The following USP32 variants were observed in gnomAD, a reference collection of about 807,000 sequenced individuals.
The protein encoded by USP32 is ubiquitin specific peptidase 32.
Under a neutral mutation model 204.8 loss-of-function variants are expected in USP32, and 59 were observed. That is an observed-to-expected ratio of 0.29 (90% CI 0.23 to 0.36). The LOEUF (loss-of-function observed/expected upper bound fraction) is 0.36, where lower values mean the gene tolerates loss of function less well. USP32 is among the 10% of genes least tolerant of loss of function. The pLI, the probability that USP32 is intolerant of heterozygous loss-of-function variation, is 1.00. For synonymous variants in USP32, 517 were observed against 678.4 expected (o/e 0.76, Z 3.70); for missense variants, 1,160 against 1,946.4 (o/e 0.60, Z 7.60).
intron 7 of USP32, among the ~76,000 whole-genome samples, chr17:60,266,386 G>A (rs977500520): frequency 1.3e-5 from 2 of 152,202 alleles, no homozygotes; most frequent in African/African-American, 4.8e-5. Flanking sequence ...CGAAGTTACT[G>A]TACAATAAAT....
intron 1 of USP32, among the ~76,000 whole-genome samples, chr17:60,358,015 C>T (rs908134654): frequency 2.0e-5 from 3 of 151,844 alleles, no homozygotes; most frequent in East Asian, 1.9e-4. Context: ...GTGATCCACC[C>T]GCCTCCACCT....
At chr17:60,360,041 T>C (rs1015007563) in intron 1 of USP32, among the ~76,000 whole-genome samples, 1 of 152,014 alleles carries the variant, frequency 6.6e-6, no homozygotes, top group Non-Finnish European at 1.5e-5. Context: ...CTAATTTTTT[T>C]GTATTTTTAG....
intron 1 of USP32, among the ~76,000 whole-genome samples, chr17:60,380,328 A>T (rs1370057145): frequency 1.3e-5 from 2 of 152,204 alleles, no homozygotes; most frequent in Non-Finnish European, 2.9e-5. Context: ...ACACTTTGGG[A>T]GGCTGTGGTG....
At chr17:60,202,494 G>T (rs7212061) in intron 26 of USP32, among the ~76,000 whole-genome samples, 10,074 of 141,710 alleles carry the variant, frequency 0.071, 1,045 homozygotes, top group African/African-American at 0.25. Flanking sequence ...CTTTGCATTT[G>T]TATTGGGATT....
intron 2 of USP32, among the ~76,000 whole-genome samples, chr17:60,343,345 A>G (rs1159466488): frequency 2.0e-5 from 3 of 152,204 alleles, no homozygotes; most frequent in Non-Finnish European, 4.4e-5. Flanking sequence ...TCAACAGAAC[A>G]TACATTCTTC....
intron 1 of USP32, among the ~76,000 whole-genome samples, chr17:60,389,899 C>A (rs2089800063): frequency 6.6e-6 from 1 of 151,940 alleles, no homozygotes; most frequent in Non-Finnish European, 1.5e-5. Context: ...CACCTATAGT[C>A]CCAGCTGCTG....
chr17:60,255,698 A>G (rs1009714565), intron 9 of USP32, among the ~76,000 whole-genome samples: 1 of 152,192 alleles, frequency 6.6e-6, no homozygotes, highest in Non-Finnish European at 1.5e-5. Flanking sequence ...GTTTTCCTAA[A>G]TGCATTCAAT....
intron 29 of USP32, among the ~76,000 whole-genome samples, chr17:60,186,137 G>C (rs1232423655): frequency 1.3e-5 from 2 of 152,168 alleles, no homozygotes; most frequent in Non-Finnish European, 2.9e-5. Flanking sequence ...TGTTACATCG[G>C]TAACATTCTG....
At chr17:60,196,693 C>T (rs1455243399) in intron 27 of USP32, among the ~76,000 whole-genome samples, 2 of 151,200 alleles carry the variant, frequency 1.3e-5, no homozygotes. Flanking sequence ...GGCATGGTGG[C>T]GGGCACCTGT....
At chr17:60,382,051 C>T (rs2089655129) in intron 1 of USP32, among the ~76,000 whole-genome samples, 1 of 152,224 alleles carries the variant, frequency 6.6e-6, no homozygotes, top group Non-Finnish European at 1.5e-5. Flanking sequence ...AAGCAAAACC[C>T]TGACAAGATT....
At chr17:60,231,391 A>G in intron 12 of USP32, 1 of 316,596 alleles carries the variant, frequency 3.2e-6, no homozygotes, top group South Asian at 2.6e-5. Context: ...AGAGTGCTAG[A>G]TAAAGTAATA....
At chr17:60,319,779 C>CAAAAAT (rs928171634) in intron 2 of USP32, among the ~76,000 whole-genome samples, 9 of 151,680 alleles carry the variant, frequency 5.9e-5, no homozygotes, top group Non-Finnish European at 8.8e-5. Context: ...GACCCCATCT[C>CAAAAAT]AAAAATAAAA....
chr17:60,380,225 C>T (rs993505606), intron 1 of USP32, among the ~76,000 whole-genome samples: 1 of 152,126 alleles, frequency 6.6e-6, no homozygotes, highest in Non-Finnish European at 1.5e-5. Flanking sequence ...AGTCTATGGC[C>T]ATACCAACCT....
rs373817056 is a variant in USP32 at position 60,316,612 on chromosome 17, A to G, written c.187-14908T>C. 1.3e-3 allele frequency among the ~76,000 whole-genome samples: 201 copies of G among 152,146 alleles called. 1 individual carries two copies. The highest frequency in any genetic ancestry group is 4.5e-3 in the African/African-American group (188 of 41,510). ...TCTCAACACTTTGGGAGGCTGAGAC[A>G]GGGGGAGCACTTGAGGTCAGGAGTT... On this transcript the variant is annotated intron_variant, in intron 2 of 33. Coordinates refer to ENST00000300896, the MANE Select transcript of USP32 (RefSeq NM_032582.4).
chr17:60,219,838 G>C (rs1334089132), intron 15 of USP32, 51 bp from the exon 16 acceptor site: 1 of 1,525,272 alleles, frequency 6.6e-7, no homozygotes, highest in Non-Finnish European at 8.8e-7. Context: ...AACAAAACTT[G>C]CCATTTTAAT....
chr17:60,222,837 A>G (rs1466959693), intron 14 of USP32, among the ~76,000 whole-genome samples: 1 of 151,838 alleles, frequency 6.6e-6, no homozygotes, highest in Non-Finnish European at 1.5e-5. Flanking sequence ...ACACGTCACC[A>G]TGCCCGGCTA....
intron 9 of USP32, 63 bp from the exon 10 acceptor site, chr17:60,255,321 G>A (rs1293728490): frequency 6.5e-5 from 81 of 1,240,196 alleles, no homozygotes; most frequent in African/African-American, 6.7e-5. Context: ...TTTTTGAGAC[G>A]GAGTCTCATA....
chr17:60,275,835 C>T (rs1375941861), intron 5 of USP32, among the ~76,000 whole-genome samples: 1 of 151,486 alleles, frequency 6.6e-6, no homozygotes, highest in African/African-American at 2.4e-5. Context: ...CCTCAGCCTC[C>T]TGAGTAGCTG....
At chr17:60,399,129 A>G (rs2089918136) in intron 1 of USP32, among the ~76,000 whole-genome samples, 1 of 152,188 alleles carries the variant, frequency 6.6e-6, no homozygotes, top group Non-Finnish European at 1.5e-5. Context: ...AAAGATAAAT[A>G]AGAAAGCAGA....
Sources: allele counts gnomAD v4.1 joint callset (sites outside exome capture counted in the v4.1 genomes callset), GRCh38; gene constraint gnomAD v4.1.1; transcripts MANE v1.5; gene names NCBI Gene and HGNC (gene_info 2026-07-23, HGNC 2026-07-21).